Variants in CCDC80 observed in about 807,000 individuals in gnomAD.
CCDC80 encodes the protein coiled-coil domain-containing protein 80.
Under a neutral mutation model 78.7 loss-of-function variants are expected in CCDC80, and 49 were observed. That is an observed-to-expected ratio of 0.62 (90% CI 0.50 to 0.79). The LOEUF is 0.79. Among genes scored for constraint, CCDC80 ranks in the 30% least tolerant of loss-of-function variants. CCDC80 has a pLI of 0.00. For synonymous variants in CCDC80, 488 were observed against 447.0 expected (o/e 1.09, Z -1.16); for missense variants, 1,205 against 1,198.6 (o/e 1.01, Z -0.08).
intron 5 of CCDC80, among the ~76,000 whole-genome samples, chr3:112,612,334 T>C (rs1032723489): frequency 6.6e-6 from 1 of 152,080 alleles, no homozygotes; most frequent in African/African-American, 2.4e-5. Context: ...AGGAGCTATT[T>C]TGGGTGAGGT....
intron 6 of CCDC80, among the ~76,000 whole-genome samples, chr3:112,609,075 TTAGCTACTTCCC>T (rs1397844884): frequency 6.6e-6 from 1 of 152,150 alleles, no homozygotes; most frequent in African/African-American, 2.4e-5. Context: ...TTTGTTGCCC[TTAGCTACTTCCC>T]CCTGCCCCTG....
chr3:112,621,495 G>T (rs1935867715), intron 3 of CCDC80, among the ~76,000 whole-genome samples: 1 of 152,202 alleles, frequency 6.6e-6, no homozygotes, highest in Non-Finnish European at 1.5e-5. Context: ...GCCCAGATCA[G>T]CTGAACCCTA....
chr3:112,604,667 G>A lies in CCDC80; in HGVS notation c.*750C>T, dbSNP rs1935442761. ...GTGCTGTACAGGGGGTAAAGTGTGA[G>A]GGGTCAAGAATTTTCATGCCAGAAA... On this transcript the variant is annotated 3_prime_UTR_variant, in exon 8 of 8. Coordinates refer to ENST00000206423, the MANE Select transcript of CCDC80 (RefSeq NM_199511.3). 1 of 152,224 alleles carries A rather than the reference G, an allele frequency of 6.6e-6. No homozygotes were observed. Among genetic ancestry groups the A allele is most frequent in the Non-Finnish European group, 1.5e-5 (1 of 68,072 alleles). The allele number at this position is 152,224 out of a possible 1,614,324, so 9.4% of individuals were successfully genotyped here. A position where few individuals can be genotyped will look rare whatever the true frequency, so the allele number is the denominator to read the frequency against.
intron 7 of CCDC80, among the ~76,000 whole-genome samples, chr3:112,606,095 C>T (rs1019332597): frequency 3.9e-5 from 6 of 152,224 alleles, no homozygotes; most frequent in African/African-American, 1.4e-4. Context: ...GTTTATCTTT[C>T]TAAGTTTATT....
At position 112,619,100 on chromosome 3, in the gene CCDC80, A is replaced by G; in HGVS notation, c.2040T>C (p.Asn680=). The change falls in exon 4 of 8, where the codon AAT becomes AAC. Residue 680 remains asparagine, a synonymous_variant. Coordinates refer to ENST00000206423, the MANE Select transcript of CCDC80 (RefSeq NM_199511.3). The part of the protein sequence containing the change: ...TMKIDHFQLD[N]EKPMRVVDDE... ...CATCCACCACTCGCATGGGCTTCTC[A>G]TTATCTTAAGGGAAATAAAATGTGA... The G allele has an allele frequency of 6.3e-7, 1 of 1,582,040 alleles. No individual in the cohort carries two copies. The highest frequency in any genetic ancestry group is 2.3e-5 in the East Asian group (1 of 44,298).
rs899098985 is a variant in CCDC80, at chr3:112,641,140, G to C, written c.-825C>G. 1 of 152,184 alleles carries C rather than the reference G, an allele frequency of 6.6e-6. No individual in the cohort carries two copies. Among genetic ancestry groups the C allele is most frequent in the Non-Finnish European group, 1.5e-5 (1 of 68,066 alleles). The allele number at this position is 152,184 out of a possible 1,614,324, so 9.4% of individuals were successfully genotyped here. A position where few individuals can be genotyped will look rare whatever the true frequency, so the allele number is the denominator to read the frequency against. On this transcript the variant is annotated 5_prime_UTR_variant, in exon 1 of 8. Coordinates refer to ENST00000206423, the MANE Select transcript of CCDC80 (RefSeq NM_199511.3). The stretch of plus-strand genomic sequence containing the variant: ...GAGTGGACTCAGTGAGGAGTGAGAA[G>C]GCTGTTCTTTGGGGTGGGGTAAAGT...
intron 3 of CCDC80, among the ~76,000 whole-genome samples, chr3:112,621,848 C>T (rs892760484): frequency 3.3e-5 from 5 of 152,164 alleles, no homozygotes; most frequent in Non-Finnish European, 5.9e-5. Flanking sequence ...AAGCTATCCC[C>T]TTTGTCTCAA....
chr3:112,605,499 T>C lies in CCDC80; in HGVS notation c.2771A>G (p.His924Arg). The C allele has an allele frequency of 6.2e-7, 1 of 1,614,180 alleles. No individual in the cohort carries two copies. The highest frequency in any genetic ancestry group is 8.5e-7 in the Non-Finnish European group (1 of 1,180,030). Residue 924 changes from histidine to arginine, a missense_variant, in exon 8 of 8, where the codon CAT becomes CGT. Transcript: ENST00000206423. ...ATCCTGGTATCCTTGGTGGTAACTA[T>C]GGTAACCATAGCCTGCATACTCATC... The part of the protein sequence containing the change: ...PEDEYAGYGY[H>R]SYHQGYQDGY...
In CCDC80 at chr3:112,605,019, TG is replaced by T. The variant is rs538656180; in HGVS notation, c.*397del. 1.4e-3 allele frequency: 220 copies of T among 157,110 alleles called. 2 individuals are homozygous for T. The highest frequency in any genetic ancestry group is 5.0e-3 in the African/African-American group (211 of 41,788). 9.7% of individuals were successfully genotyped at this position (157,110 alleles called of 1,614,324 possible). A position where few individuals can be genotyped will look rare whatever the true frequency, so the allele number is the denominator to read the frequency against. On this transcript the variant is annotated 3_prime_UTR_variant, in exon 8 of 8. Transcript: ENST00000206423. ...TTGTTCTTTGTTTTATCTTTTCAGA[TG>T]TTTCTTGAAAACATTGTGGTGTGAT... is the stretch of plus-strand genomic sequence containing the variant.
intron 6 of CCDC80, 89 bp from the exon 7 acceptor site, chr3:112,607,345 C>A (rs976998238): frequency 2.2e-6 from 2 of 914,966 alleles, no homozygotes; most frequent in Non-Finnish European, 3.3e-6. Context: ...AATTAAAAAT[C>A]TCTTAAATTT....
At position 112,605,655 on chromosome 3, in the gene CCDC80, T is replaced by G. The variant is rs201860479; in HGVS notation, c.2615A>C (p.Asp872Ala). 6.2e-7 allele frequency: 1 copy of G among 1,614,230 alleles called. No homozygotes were observed. Among genetic ancestry groups the G allele is most frequent in the African/African-American group, 1.3e-5 (1 of 75,050 alleles). The change falls in exon 8 of 8, where the codon GAC (aspartate) becomes GCC (alanine). Residue 872 changes from aspartate (D) to alanine (A), a missense_variant. Transcript: ENST00000206423. ...AGGATACCAGGATTTGACATTTCCG[T>G]CTTTTCCGACTAGAAGCATGGAGAA... is the stretch of plus-strand genomic sequence containing the variant. ...EYFSMLLVGK[D>A]GNVKSWYPSP...
Position 112,607,251 on chromosome 3 carries a change from G to T in CCDC80, c.2431C>A (p.Arg811Ser). The T allele has an allele frequency of 1.9e-6, 3 of 1,612,316 alleles. No individual in the cohort carries two copies. Among genetic ancestry groups the T allele is most frequent in the Non-Finnish European group, 2.5e-6 (3 of 1,179,364 alleles). The change falls in exon 7 of 8, where the codon CGC becomes AGC. Residue 811 changes from arginine (R) to serine (S), a missense_variant. Coordinates refer to ENST00000206423, the MANE Select transcript of CCDC80 (RefSeq NM_199511.3). ...AAAAGCTTCAGAATGGTTATGTGGC[G>T]CAGACCTGAGAGAAAAAAGAAAACC... ...LSGQACNFGLRHITILKLLGV... is the reference protein window; with the variant it reads ...LSGQACNFGLSHITILKLLGV...
At chr3:112,626,815 TGGG>T (rs1935985298) in intron 3 of CCDC80, among the ~76,000 whole-genome samples, 1 of 152,162 alleles carries the variant, frequency 6.6e-6, no homozygotes, top group South Asian at 2.1e-4. Context: ...CCCAAAGTAT[TGGG>T]ATTACAAGCA....
chr3:112,629,303 C>T (rs1451387352), intron 3 of CCDC80, among the ~76,000 whole-genome samples: 11 of 150,300 alleles, frequency 7.3e-5, no homozygotes, highest in African/African-American at 2.7e-4. Context: ...GTAGTTAAAC[C>T]ATGAACAACA....
At chr3:112,628,483 CA>C (rs879326166) in intron 3 of CCDC80, among the ~76,000 whole-genome samples, 1 of 152,128 alleles carries the variant, frequency 6.6e-6, no homozygotes, top group African/African-American at 2.4e-5. Flanking sequence ...AGAGGATGAC[CA>C]CATAATAGTG....
Position 112,638,627 on chromosome 3 carries a change from G to A in CCDC80, c.1279C>T (p.Pro427Ser). The change falls in exon 2 of 8, where the codon CCA (proline) becomes TCA (serine). Residue 427 changes from proline to serine, a missense_variant. Pro to Ser is a moderately conservative substitution (Grantham distance 74). Transcript: ENST00000206423. ...TTGCTGGGCCTCCTGGTTGTCTGTG[G>A]CCTCTCCCTGTGCTGATCCTTCCGG... ...PSRKDQHRER[P>S]QTTRRPSKAT... is the part of the protein sequence containing the mutation. 6.2e-7 allele frequency: 1 copy of A among 1,614,046 alleles called. No homozygotes were observed.
chr3:112,631,354 T>C (rs1936094914), intron 2 of CCDC80, among the ~76,000 whole-genome samples: 3 of 152,164 alleles, frequency 2.0e-5, no homozygotes, highest in Admixed American at 1.3e-4. Context: ...TTTATTGTGA[T>C]GATGACCAGG....
In CCDC80 at chr3:112,618,958, G is replaced by A. The variant is rs376121438; in HGVS notation, c.2172+10C>T. The A allele has an allele frequency of 2.5e-6, 4 of 1,613,124 alleles. No homozygotes were observed. The highest frequency in any genetic ancestry group is 2.7e-5 in the African/African-American group (2 of 74,880). ...AATAGTACTACATTATTCAGAATAA[G>A]AAACTGTACCTTGACTCTCAGATCC... is the stretch of plus-strand genomic sequence containing the variant. On this transcript the variant is annotated intron_variant, in intron 4 of 7. Transcript: ENST00000206423.
chr3:112,611,943 A>T (rs1935637010), intron 5 of CCDC80, among the ~76,000 whole-genome samples: 1 of 152,128 alleles, frequency 6.6e-6, no homozygotes, highest in Non-Finnish European at 1.5e-5. Context: ...GGTGAATAAG[A>T]GAAAATGATA....
Sources: gnomAD v4.1 joint callset for allele counts (sites outside exome capture counted in the v4.1 genomes callset) on GRCh38, gnomAD v4.1.1 for gene constraint, MANE v1.5 for transcripts, NCBI Gene and HGNC (gene_info 2026-07-23, HGNC 2026-07-21) for gene names.